PDGFRL: variants seen among roughly 807,000 people sequenced by gnomAD.
PDGFRL encodes the protein platelet derived growth factor receptor like.
Under a neutral mutation model 37.2 loss-of-function variants are expected in PDGFRL, and 46 were observed. The ratio of observed to expected loss-of-function variants is 1.24; its 90% CI spans 0.98 to 1.58. The LOEUF (loss-of-function observed/expected upper bound fraction) is 1.58, where lower values mean the gene tolerates loss of function less well. Among genes scored for constraint, PDGFRL ranks in the 40% most tolerant of loss-of-function variants. The pLI, the probability that PDGFRL is intolerant of heterozygous loss-of-function variation, is 0.00. For synonymous variants in PDGFRL, 251 were observed against 184.3 expected, an observed-to-expected ratio of 1.36 and a Z score of -2.93; for missense variants, 692 against 467.6, an observed-to-expected ratio of 1.48 and a Z score of -4.43.
At chr8:17,577,159 G>A, upstream of PDGFRL, 1 of 1,508,670 alleles carries the variant, frequency 6.6e-7, no homozygotes, top group Non-Finnish European at 8.9e-7. Context: ...CCGCTTCGGC[G>A]TCCCAGGAGC....
chr8:17,610,772 C>T lies in PDGFRL; in HGVS notation c.354-10279C>T, dbSNP rs376815621. ...CTAAACACACAAAAATTAGCCGGGC[C>T]TGGTGGCGCATGCCTATAGTCTCAG... On this transcript the variant is annotated intron_variant, in intron 2 of 5. Coordinates refer to ENST00000251630, the MANE Select transcript of PDGFRL (RefSeq NM_001372073.1). Among the ~76,000 whole-genome samples the T allele has an allele frequency of 4.7e-4, 72 of 152,182 alleles. No homozygotes were observed. In the South Asian group the frequency reaches 0.014, roughly 29 times the overall value.
intron 2 of PDGFRL, among the ~76,000 whole-genome samples, chr8:17,616,633 C>T (rs192933477): frequency 2.3e-4 from 35 of 152,232 alleles, no homozygotes; most frequent in Non-Finnish European, 3.7e-4. Context: ...CCTCGATTTG[C>T]GCATGTTGAC....
chr8:17,606,945 G>GCACCC (rs1804294568), intron 2 of PDGFRL, among the ~76,000 whole-genome samples: 1 of 145,456 alleles, frequency 6.9e-6, no homozygotes, highest in Admixed American at 7.0e-5. Flanking sequence ...ACCCAGGCTG[G>GCACCC]AGTGCAGTGG....
chr8:17,607,493 G>A (rs1244281887), intron 2 of PDGFRL, among the ~76,000 whole-genome samples: 1 of 152,154 alleles, frequency 6.6e-6, no homozygotes, highest in African/African-American at 2.4e-5. Flanking sequence ...TCCCAGATGT[G>A]TTGCACAGAA....
At chr8:17,605,295 C>T (rs2237820) in intron 2 of PDGFRL, among the ~76,000 whole-genome samples, 14,454 of 152,134 alleles carry the variant, frequency 0.095, 1,106 homozygotes, top group African/African-American at 0.2. Flanking sequence ...CTCCCCATGC[C>T]CCATACCCAT....
At chr8:17,633,046 C>T (rs1490712512) in intron 4 of PDGFRL, among the ~76,000 whole-genome samples, 6 of 152,168 alleles carry the variant, frequency 3.9e-5, no homozygotes, top group African/African-American at 9.7e-5. Context: ...AGTGTCCCGC[C>T]CCTTTGCTAG....
rs2246505 is a variant in PDGFRL, at chr8:17,596,284, C to T, written c.353+6519C>T. ...ACCTCAGTTCCTGTAAAATGGCCCA[C>T]TGGCCAGATCGGCTGCCAGGCTGCT... On this transcript the variant is annotated intron_variant, in intron 2 of 5. Coordinates refer to ENST00000251630, the MANE Select transcript of PDGFRL (RefSeq NM_001372073.1). 28,004 of 1,067,510 alleles carry T rather than the reference C, an allele frequency of 0.026. 3,409 individuals carry two copies. In the African/African-American group the frequency reaches 0.31, roughly 12 times the overall value. The allele number at this position is 1,067,510 out of a possible 1,614,324, so 66.1% of individuals were successfully genotyped here.
intron 5 of PDGFRL, among the ~76,000 whole-genome samples, chr8:17,637,097 C>T (rs1804986440): frequency 1.3e-5 from 2 of 152,106 alleles, no homozygotes; most frequent in African/African-American, 4.8e-5. Context: ...GATTTGGATG[C>T]CCTTTATTTC....
chr8:17,612,150 A>G (rs1804430373), intron 2 of PDGFRL, among the ~76,000 whole-genome samples: 1 of 152,222 alleles, frequency 6.6e-6, no homozygotes, highest in South Asian at 2.1e-4. Context: ...TAGGCCTCTA[A>G]AGGAATTCTT....
chr8:17,598,305 T>A (rs908922249), intron 2 of PDGFRL, among the ~76,000 whole-genome samples: 1 of 152,202 alleles, frequency 6.6e-6, no homozygotes, highest in African/African-American at 2.4e-5. Context: ...AATATATTAT[T>A]GCTTATTTGT....
chr8:17,598,150 T>TGA (rs1322416948), intron 2 of PDGFRL, among the ~76,000 whole-genome samples: 2 of 152,126 alleles, frequency 1.3e-5, no homozygotes, highest in Admixed American at 6.6e-5. Context: ...TTTCCTGCAG[T>TGA]GAGAATAAAG....
chr8:17,579,580 A>ATTATTG (rs1803664029), intron 1 of PDGFRL, among the ~76,000 whole-genome samples: 1 of 142,504 alleles, frequency 7.0e-6, no homozygotes, highest in Admixed American at 7.1e-5. Flanking sequence ...TATTATTATT[A>ATTATTG]TTATTGAGAT....
chr8:17,586,015 G>A (rs564825526), intron 1 of PDGFRL, among the ~76,000 whole-genome samples: 1 of 152,064 alleles, frequency 6.6e-6, no homozygotes, highest in Non-Finnish European at 1.5e-5. Flanking sequence ...GCAGTGGTGC[G>A]ATCTCAGCTC....
intron 5 of PDGFRL, among the ~76,000 whole-genome samples, chr8:17,642,044 T>C (rs562672835): frequency 1.3e-5 from 2 of 152,258 alleles, no homozygotes; most frequent in East Asian, 3.9e-4. Flanking sequence ...TTTGTAGAAA[T>C]AGGGGTCCTG....
intron 2 of PDGFRL, among the ~76,000 whole-genome samples, chr8:17,618,705 G>A (rs564229724): frequency 6.6e-6 from 1 of 152,146 alleles, no homozygotes; most frequent in Admixed American, 6.5e-5. Flanking sequence ...TCCATCACTG[G>A]TTTAACTCAA....
rs1366240280 is a variant in PDGFRL, at chr8:17,628,719, C to G, written c.738C>G (p.Cys246Trp). 6.2e-7 allele frequency: 1 copy of G among 1,613,978 alleles called. No individual in the cohort carries two copies. The highest frequency in any genetic ancestry group is 8.5e-7 in the Non-Finnish European group (1 of 1,179,856). ...CCGAGCACCAGGGTGTGGTTTACTGCAGGGCGGAGGCCGGGGGCAGATCTC... is the reference window on the plus strand; with the variant it reads ...CCGAGCACCAGGGTGTGGTTTACTGGAGGGCGGAGGCCGGGGGCAGATCTC... Reference protein sequence around the residue: ...PHSEHQGVVYCRAEAGGRSQI... With the variant: ...PHSEHQGVVYWRAEAGGRSQI... Residue 246 changes from cysteine (C) to tryptophan (W), a missense_variant, in exon 4 of 6, where the codon TGC becomes TGG. By Grantham distance (215) the Cys-to-Trp change is radical. Transcript: ENST00000251630.
intron 2 of PDGFRL, among the ~76,000 whole-genome samples, chr8:17,602,069 C>A (rs914985684): frequency 3.9e-5 from 6 of 152,224 alleles, no homozygotes; most frequent in African/African-American, 1.2e-4. Flanking sequence ...AATGAATCCA[C>A]ATTCCCACCT....
chr8:17,576,848 G>T (rs141132679), upstream of PDGFRL: 547 of 284,306 alleles, frequency 1.9e-3, 2 homozygotes, highest in Non-Finnish European at 2.5e-3. Context: ...GCCTGAGGAG[G>T]TGGGGCGGGC....
chr8:17,626,563 A>C (rs1804738848), intron 3 of PDGFRL, among the ~76,000 whole-genome samples: 1 of 152,190 alleles, frequency 6.6e-6, no homozygotes, highest in African/African-American at 2.4e-5. Context: ...AAAGAAGGCA[A>C]GTGGGGAAGA....
Sources: allele counts gnomAD v4.1 joint callset (sites outside exome capture counted in the v4.1 genomes callset), GRCh38; gene constraint gnomAD v4.1.1; transcripts MANE v1.5; gene names NCBI Gene and HGNC (gene_info 2026-07-23, HGNC 2026-07-21).